SPATA16: variants seen among roughly 807,000 people sequenced by gnomAD.
SPATA16 encodes spermatogenesis-associated protein 16.
Under a neutral mutation model 63.3 loss-of-function variants are expected in SPATA16, and 36 were observed. The observed-to-expected ratio is 0.57, with a 90% CI of 0.44 to 0.75. SPATA16 has a LOEUF of 0.75. Among genes scored for constraint, SPATA16 ranks in the 30% least tolerant of loss-of-function variants. The probability of loss-of-function intolerance (pLI) is 0.00; values close to 1 mark genes in which losing one functional copy is unlikely to be tolerated. For missense variants in SPATA16, 646 were observed against 679.3 expected (o/e 0.95, Z 0.54); for synonymous variants, 203 against 216.7 (o/e 0.94, Z 0.56).
intron 2 of SPATA16, among the ~76,000 whole-genome samples, chr3:173,113,243 C>G (rs187594164): frequency 6.6e-6 from 1 of 152,124 alleles, no homozygotes. Flanking sequence ...GGAATAGTAT[C>G]TAGGCATGAC....
rs78745180 is a variant in SPATA16, at chr3:173,129,822, G to T, written c.-19+11281C>A. Among the ~76,000 whole-genome samples the T allele has an allele frequency of 8.7e-3, 1,321 of 152,174 alleles. 11 individuals carry two copies. The highest frequency in any genetic ancestry group is 0.014 in the Non-Finnish European group (969 of 68,010). On this transcript the variant is annotated intron_variant, in intron 1 of 10. Transcript: ENST00000351008. ...GGAACACCTATCACAAACAGGGATG[G>T]CTGACCTACCTTCCAGTGTTATCAT... is the stretch of plus-strand genomic sequence containing the variant.
At chr3:173,111,659 A>G (rs1185718252) in intron 2 of SPATA16, among the ~76,000 whole-genome samples, 1 of 152,232 alleles carries the variant, frequency 6.6e-6, no homozygotes, top group East Asian at 1.9e-4. Context: ...TATTCTCAGC[A>G]GAGCAATTAT....
intron 4 of SPATA16, among the ~76,000 whole-genome samples, chr3:172,983,021 T>C (rs1234843366): frequency 6.6e-6 from 1 of 152,220 alleles, no homozygotes; most frequent in Non-Finnish European, 1.5e-5. Flanking sequence ...TTCATCACCT[T>C]GCCTTTAGGC....
chr3:172,954,181 G>A (rs1733516716), intron 6 of SPATA16, among the ~76,000 whole-genome samples: 3 of 152,186 alleles, frequency 2.0e-5, no homozygotes, highest in African/African-American at 7.2e-5. Flanking sequence ...AGGTTTAATT[G>A]ACTCACAGTT....
At chr3:172,976,198 A>G (rs1405887170) in intron 5 of SPATA16, among the ~76,000 whole-genome samples, 1 of 152,146 alleles carries the variant, frequency 6.6e-6, no homozygotes, top group East Asian at 1.9e-4. Context: ...CTCATCAGAA[A>G]CAATGGGATG....
intron 2 of SPATA16, among the ~76,000 whole-genome samples, chr3:173,049,896 A>G (rs1736044843): frequency 6.6e-6 from 1 of 152,088 alleles, no homozygotes; most frequent in South Asian, 2.1e-4. Context: ...CTGTTCCTTG[A>G]AATTAAGGCT....
chr3:173,019,652 C>A (rs993214640), intron 3 of SPATA16, 77 bp from the exon 4 acceptor site: 20 of 1,314,602 alleles, frequency 1.5e-5, no homozygotes, highest in Non-Finnish European at 2.0e-5. Context: ...GGAATGAAAT[C>A]ACAGGCATTC....
At chr3:173,026,892 ATTGT>A (rs1259355818) in intron 3 of SPATA16, among the ~76,000 whole-genome samples, 1 of 151,744 alleles carries the variant, frequency 6.6e-6, no homozygotes, top group East Asian at 1.9e-4. Context: ...CCCCTCTAAC[ATTGT>A]TTGGACTTAT....
intron 4 of SPATA16, among the ~76,000 whole-genome samples, chr3:173,007,854 G>A (rs888609337): frequency 3.3e-5 from 5 of 151,410 alleles, no homozygotes; most frequent in Non-Finnish European, 5.9e-5. Context: ...GGGAAGGATC[G>A]CTCTTAGTGG....
At chr3:172,919,410 ACT>A (rs1188482459) in intron 8 of SPATA16, among the ~76,000 whole-genome samples, 17 of 152,162 alleles carry the variant, frequency 1.1e-4, no homozygotes, top group Non-Finnish European at 2.5e-4. Flanking sequence ...GTAGATTATA[ACT>A]CTTAAAATGC....
At chr3:173,050,654 A>G (rs928580065) in intron 2 of SPATA16, among the ~76,000 whole-genome samples, 3 of 152,104 alleles carry the variant, frequency 2.0e-5, no homozygotes, top group Non-Finnish European at 4.4e-5. Flanking sequence ...TAGTAATAAT[A>G]TACAAATGAT....
chr3:173,086,640 T>C (rs1737062390), intron 2 of SPATA16, among the ~76,000 whole-genome samples: 1 of 152,178 alleles, frequency 6.6e-6, no homozygotes, highest in African/African-American at 2.4e-5. Flanking sequence ...GGATGTCAAT[T>C]TGAGACCTTT....
chr3:173,075,827 A>T (rs1160281212), intron 2 of SPATA16, among the ~76,000 whole-genome samples: 2 of 152,154 alleles, frequency 1.3e-5, no homozygotes, highest in Admixed American at 1.3e-4. Flanking sequence ...AAGAATATAG[A>T]TAGAAGAAAT....
chr3:173,102,614 A>G (rs1194625932), intron 2 of SPATA16, among the ~76,000 whole-genome samples: 1 of 152,172 alleles, frequency 6.6e-6, no homozygotes, highest in East Asian at 1.9e-4. Context: ...CCAATCCTTG[A>G]GGGATCCACT....
intron 10 of SPATA16, among the ~76,000 whole-genome samples, chr3:172,902,756 C>T (rs1428439096): frequency 1.3e-5 from 2 of 152,176 alleles, no homozygotes; most frequent in Non-Finnish European, 2.9e-5. Flanking sequence ...GTAGAGTACA[C>T]ATTAGTTTAA....
chr3:172,987,725 G>A (rs1290084709), intron 4 of SPATA16, among the ~76,000 whole-genome samples: 1 of 152,186 alleles, frequency 6.6e-6, no homozygotes, highest in Non-Finnish European at 1.5e-5. Flanking sequence ...GCAGTTTCTG[G>A]AGCCAATATA....
intron 2 of SPATA16, among the ~76,000 whole-genome samples, chr3:173,064,868 A>T (rs1242465693): frequency 6.6e-6 from 1 of 152,156 alleles, no homozygotes; most frequent in Non-Finnish European, 1.5e-5. Context: ...AAAAATCGGG[A>T]TTGATAATTT....
chr3:173,052,757 G>A (rs1421170771), intron 2 of SPATA16, among the ~76,000 whole-genome samples: 1 of 152,130 alleles, frequency 6.6e-6, no homozygotes, highest in Non-Finnish European at 1.5e-5. Context: ...TTTAAATCTA[G>A]GAAGGGTGAT....
chr3:173,121,136 T>C (rs553166700), intron 1 of SPATA16, among the ~76,000 whole-genome samples: 2 of 152,006 alleles, frequency 1.3e-5, no homozygotes, highest in African/African-American at 4.8e-5. Flanking sequence ...TGAAAAAGCA[T>C]GGCCAAATCC....
Sources: allele counts gnomAD v4.1 joint callset (sites outside exome capture counted in the v4.1 genomes callset), GRCh38; gene constraint gnomAD v4.1.1; transcripts MANE v1.5; gene names NCBI Gene and HGNC (gene_info 2026-07-23, HGNC 2026-07-21).